The following DNAH11 variants were observed in gnomAD, a reference collection of about 807,000 sequenced individuals.
DNAH11 encodes axonemal beta dynein heavy chain 11.
In DNAH11, 442 loss-of-function variants were observed where a neutral mutation model predicts 526.0. The ratio of observed to expected loss-of-function variants is 0.84; its 90% CI spans 0.78 to 0.91. The LOEUF (loss-of-function observed/expected upper bound fraction) is 0.91. DNAH11 is among the 40% of genes least tolerant of loss of function. The probability of loss-of-function intolerance (pLI) is 0.00; values close to 1 mark genes in which losing one functional copy is unlikely to be tolerated. For synonymous variants in DNAH11, 2,461 were observed against 1,935.9 expected, an observed-to-expected ratio of 1.27 and a Z score of -7.12; for missense variants, 6,989 against 5,448.7, an observed-to-expected ratio of 1.28 and a Z score of -8.90.
Position 21,561,697 on chromosome 7 carries a change from GTCT to G in DNAH11, c.982+531_982+533del, listed in dbSNP as rs1393273356. Reference sequence around the variant, plus strand: ...ATCATAAAATGATATCCAGTCGAAAGTCTTCTCACCATCCTTGTCCTTCCACTC... The same window carrying G: ...ATCATAAAATGATATCCAGTCGAAAGTCTCACCATCCTTGTCCTTCCACTC... On this transcript the variant is annotated intron_variant, in intron 5 of 81. Transcript: ENST00000409508. Among the ~76,000 whole-genome samples the G allele has an allele frequency of 1.3e-5, 2 of 152,136 alleles. 1 individual carries two copies. Among genetic ancestry groups the G allele is most frequent in the Non-Finnish European group, 2.9e-5 (2 of 68,020 alleles).
intron 65 of DNAH11, among the ~76,000 whole-genome samples, chr7:21,830,107 G>A (rs999407984): frequency 2.0e-5 from 3 of 152,088 alleles, no homozygotes; most frequent in South Asian, 2.1e-4. Context: ...CATATCTGAC[G>A]TTTGAAAGGT....
chr7:21,873,611 T>A, intron 74 of DNAH11, 110 bp downstream of exon 74: 2 of 1,059,000 alleles, frequency 1.9e-6, no homozygotes, highest in Non-Finnish European at 2.8e-6. Flanking sequence ...AGCAAGTTCT[T>A]AATGTTCGCA....
At chr7:21,774,113 T>C in intron 56 of DNAH11, 114 bp downstream of exon 56, 1 of 988,916 alleles carries the variant, frequency 1.0e-6, no homozygotes, top group Non-Finnish European at 1.5e-6. Flanking sequence ...TGGTGAAATT[T>C]ACAGTTTCAT....
intron 2 of DNAH11, 134 bp from the exon 3 acceptor site, chr7:21,558,668 C>T (rs1004041030): frequency 1.5e-6 from 1 of 660,522 alleles, no homozygotes. Flanking sequence ...CTGACTTTAT[C>T]CTCTCTTTGT....
At chr7:21,770,251 T>C (rs1787375790) in intron 55 of DNAH11, among the ~76,000 whole-genome samples, 2 of 152,214 alleles carry the variant, frequency 1.3e-5, no homozygotes, top group Admixed American at 6.5e-5. Flanking sequence ...TAATGAGATA[T>C]CATGGGGATG....
chr7:21,689,609 G>A (rs1004515521), intron 34 of DNAH11, among the ~76,000 whole-genome samples: 16 of 152,246 alleles, frequency 1.1e-4, no homozygotes, highest in African/African-American at 2.9e-4. Context: ...ACCGCTCTGC[G>A]TGTGAGCGGC....
chr7:21,741,881 G>T lies in DNAH11; in HGVS notation c.7915-46G>T, dbSNP rs779950995. 3 of 1,593,834 alleles carry T rather than the reference G, an allele frequency of 1.9e-6. No individual in the cohort carries two copies. The African/African-American group carries it at 4.0e-5, about 21-fold the overall frequency. ...AAAAATCAGGTCTTTGCAATTTTCT[G>T]GTACAATTGTAATCCTTACACTCTT... is the stretch of plus-strand genomic sequence containing the variant. On this transcript the variant is annotated intron_variant, in intron 48 of 81. Coordinates refer to ENST00000409508, the MANE Select transcript of DNAH11 (RefSeq NM_001277115.2).
intron 6 of DNAH11, among the ~76,000 whole-genome samples, chr7:21,565,876 G>T (rs1783646787): frequency 6.6e-6 from 1 of 152,168 alleles, no homozygotes; most frequent in African/African-American, 2.4e-5. Flanking sequence ...GATAACAACA[G>T]GTCGATTCCT....
rs1429978132 is a variant in DNAH11 at position 21,818,344 on chromosome 7, G to C, written c.10691+5G>C. ...GAACACAATTAAAAAAGGAAAGTAA[G>C]TATTCTTGAATTTTTAACATATATA... On this transcript the variant is annotated splice_donor_5th_base_variant and intron_variant, in intron 65 of 81. Transcript: ENST00000409508. 2 of 1,605,442 alleles carry C rather than the reference G, an allele frequency of 1.2e-6. No homozygotes were observed. Among genetic ancestry groups the C allele is most frequent in the African/African-American group, 2.7e-5 (2 of 74,620 alleles).
chr7:21,710,650 G>C lies in DNAH11; in HGVS notation c.6781G>C (p.Asp2261His), dbSNP rs756227184. 8.1e-6 allele frequency: 13 copies of C among 1,613,244 alleles called. No homozygotes were observed. In the South Asian group the frequency reaches 1.4e-4, roughly 18 times the overall value. Residue 2261 changes from aspartate (D) to histidine (H), a missense_variant, in exon 41 of 82, where the codon GAT (aspartate) becomes CAT (histidine). By Grantham distance (81) the Asp-to-His change is moderately conservative. Coordinates refer to ENST00000409508, the MANE Select transcript of DNAH11 (RefSeq NM_001277115.2). Reference sequence around the variant, plus strand: ...ACCAAAATGGATAGTCCTGGATGGCGATATTGACCCCATGTGGATTGAATC... The same window carrying C: ...ACCAAAATGGATAGTCCTGGATGGCCATATTGACCCCATGTGGATTGAATC... Reference protein sequence around the residue: ...DGPKWIVLDGDIDPMWIESLN... With the variant: ...DGPKWIVLDGHIDPMWIESLN...
chr7:21,854,835 G>A (rs916176540), intron 68 of DNAH11, among the ~76,000 whole-genome samples: 1 of 151,874 alleles, frequency 6.6e-6, no homozygotes, highest in Non-Finnish European at 1.5e-5. Flanking sequence ...GAACCACCGC[G>A]CACAGCCAGA....
At position 21,799,006 on chromosome 7, in the gene DNAH11, G is replaced by A. The variant is rs148978132; in HGVS notation, c.10027-2131G>A. Among the ~76,000 whole-genome samples, 1,339 of 152,030 alleles carry A rather than the reference G, an allele frequency of 8.8e-3. 11 individuals carry two copies. Among genetic ancestry groups the A allele is most frequent in the Non-Finnish European group, 0.013 (875 of 67,968 alleles). On this transcript the variant is annotated intron_variant, in intron 61 of 81. Coordinates refer to ENST00000409508, the MANE Select transcript of DNAH11 (RefSeq NM_001277115.2). ...TCTGTATGAACCAGTGCCCTTTAGG[G>A]TTCTGAATGTAACAGAGTTTTGAAA...
At chr7:21,702,491 C>A (rs111513833) in intron 36 of DNAH11, among the ~76,000 whole-genome samples, 1 of 150,786 alleles carries the variant, frequency 6.6e-6, no homozygotes, top group Non-Finnish European at 1.5e-5. Flanking sequence ...AAAGAAGAGA[C>A]TTGCTGACAG....
intron 9 of DNAH11, among the ~76,000 whole-genome samples, chr7:21,584,727 C>T (rs536767634): frequency 2.2e-4 from 34 of 152,224 alleles, no homozygotes; most frequent in Middle Eastern, 6.8e-3. Context: ...ATATTTAATA[C>T]TGCCACTATT....
At chr7:21,689,652 A>G (rs1783527295) in intron 34 of DNAH11, among the ~76,000 whole-genome samples, 1 of 152,228 alleles carries the variant, frequency 6.6e-6, no homozygotes, top group Non-Finnish European at 1.5e-5. Flanking sequence ...CTAGCCTGAC[A>G]TTCTGGGAAA....
At chr7:21,823,097 C>G (rs984420121) in intron 65 of DNAH11, among the ~76,000 whole-genome samples, 1 of 149,318 alleles carries the variant, frequency 6.7e-6, no homozygotes, top group Non-Finnish European at 1.5e-5. Context: ...TTGATTGTTT[C>G]CTTTGCTGTA....
chr7:21,853,216 T>C (rs1782710697), intron 67 of DNAH11, among the ~76,000 whole-genome samples: 1 of 152,240 alleles, frequency 6.6e-6, no homozygotes, highest in South Asian at 2.1e-4. Context: ...ATGTGCACTT[T>C]GGACTTTCAC....
chr7:21,877,540 C>A (rs1228510775), intron 74 of DNAH11, among the ~76,000 whole-genome samples: 1 of 152,130 alleles, frequency 6.6e-6, no homozygotes, highest in East Asian at 1.9e-4. Context: ...ACATAAAGAA[C>A]CATTTCTTGT....
intron 25 of DNAH11, 23 bp downstream of exon 25, chr7:21,620,101 A>G (rs1466406081): frequency 7.2e-6 from 11 of 1,518,920 alleles, no homozygotes; most frequent in Non-Finnish European, 8.8e-6. Flanking sequence ...TTTTTATTGC[A>G]TATATTTTTC....
Sources: allele counts gnomAD v4.1 joint callset (sites outside exome capture counted in the v4.1 genomes callset), GRCh38; gene constraint gnomAD v4.1.1; transcripts MANE v1.5; gene names NCBI Gene and HGNC (gene_info 2026-07-23, HGNC 2026-07-21).